CELF5: variants seen among roughly 807,000 people sequenced by gnomAD.
CELF5 encodes the protein CUGBP Elav-like family member 5.
A neutral mutation model predicts 54.9 loss-of-function variants in CELF5; 6 were observed. The ratio of observed to expected loss-of-function variants is 0.11; its 90% CI spans 0.06 to 0.22. The LOEUF is 0.22. CELF5 is among the 10% of genes least tolerant of loss of function. The pLI, the probability that CELF5 is intolerant of heterozygous loss-of-function variation, is 1.00. For synonymous variants in CELF5, 271 were observed against 290.9 expected (o/e 0.93, Z 0.70); for missense variants, 401 against 678.6 (o/e 0.59, Z 4.54).
At chr19:3,296,631 C>T (rs947111816) in intron 12 of CELF5, 127 bp from the exon 13 acceptor site, 7 of 152,134 alleles carry the variant, frequency 4.6e-5, no homozygotes, top group Non-Finnish European at 5.9e-5. Context: ...GGGCCTCACC[C>T]GTGTCCGCGG....
Position 3,224,800 on chromosome 19 carries a change from C to G in CELF5, c.61C>G (p.Pro21Ala), listed in dbSNP as rs1338879257. 1.5e-5 allele frequency: 23 copies of G among 1,530,610 alleles called. No homozygotes were observed. The East Asian group carries it at 6.1e-4, about 40-fold the overall frequency. 94.8% of individuals were successfully genotyped at this position (1,530,610 alleles called of 1,614,324 possible). A position where few individuals can be genotyped will look rare whatever the true frequency, so the allele number is the denominator to read the frequency against. Residue 21 changes from proline (P) to alanine (A), a missense_variant, in exon 1 of 13, where the codon CCC becomes GCC. Around this residue, in one of 6 missense-constraint regions of CELF5, gnomAD observed 46 missense variants for 55.0 expected, o/e 0.84. Transcript: ENST00000292672. The part of the protein sequence containing the change: ...RQQQQLLQPR[P>A]SPVGSSGPEP... ...GCAGCAGCAGCTCCTGCAGCCGCGG[C>G]CCTCGCCCGTGGGCAGCAGCGGGCC...
At chr19:3,230,675 G>A (rs954969848) in intron 1 of CELF5, among the ~76,000 whole-genome samples, 21 of 152,154 alleles carry the variant, frequency 1.4e-4, no homozygotes, top group East Asian at 7.7e-4. Context: ...CATGGGAAGC[G>A]GGCTTCACAT....
intron 2 of CELF5, among the ~76,000 whole-genome samples, chr19:3,257,275 C>T (rs972852702): frequency 9.9e-5 from 15 of 152,030 alleles, no homozygotes; most frequent in Non-Finnish European, 2.2e-4. Context: ...GTGAGGACCA[C>T]TGAGGTCAGA....
intron 1 of CELF5, among the ~76,000 whole-genome samples, chr19:3,225,332 C>G (rs1357707829): frequency 9.1e-6 from 1 of 109,906 alleles, no homozygotes; most frequent in Non-Finnish European, 1.9e-5. Flanking sequence ...TCCTTCCCCC[C>G]ACAGCACCCT....
At chr19:3,270,166 T>C (rs1238911756) in intron 2 of CELF5, among the ~76,000 whole-genome samples, 2 of 152,142 alleles carry the variant, frequency 1.3e-5, no homozygotes, top group African/African-American at 4.8e-5. Flanking sequence ...AGAGTTTGTG[T>C]CTGGCTCTGT....
chr19:3,265,692 A>T (rs373774559), intron 2 of CELF5, among the ~76,000 whole-genome samples: 1 of 152,170 alleles, frequency 6.6e-6, no homozygotes, highest in Non-Finnish European at 1.5e-5. Context: ...TGAATCATCC[A>T]TCCCTTGTTT....
chr19:3,273,913 C>T lies in CELF5; in HGVS notation c.384C>T (p.Ser128=), dbSNP rs199756085. The stretch of plus-strand genomic sequence containing the variant: ...AGGTGAAGCCTGCGGACAGTGAAAG[C>T]CGCGGAGGTAGTTGTCATCTCTCCG... ...PIQVKPADSE[S]RGGRDRKLFV... is the part of the protein sequence containing the mutation. Residue 128 remains serine, a synonymous_variant, in exon 3 of 13, where the codon AGC becomes AGT. Coordinates refer to ENST00000292672, the MANE Select transcript of CELF5 (RefSeq NM_021938.4). 6.2e-7 allele frequency: 1 copy of T among 1,613,558 alleles called. No individual in the cohort carries two copies. Among genetic ancestry groups the T allele is most frequent in the East Asian group, 2.2e-5 (1 of 44,870 alleles).
At chr19:3,274,425 C>A (rs2080014607) in intron 3 of CELF5, among the ~76,000 whole-genome samples, 1 of 152,200 alleles carries the variant, frequency 6.6e-6, no homozygotes, top group South Asian at 2.1e-4. Flanking sequence ...GCAGCTGGTG[C>A]ACATAAGCGC....
At chr19:3,269,336 T>G (rs1283004405) in intron 2 of CELF5, among the ~76,000 whole-genome samples, 1 of 151,998 alleles carries the variant, frequency 6.6e-6, no homozygotes, top group African/African-American at 2.4e-5. Flanking sequence ...CTACCGCACC[T>G]AGCTAATTTT....
At chr19:3,289,424 G>A (rs955921373) in intron 10 of CELF5, among the ~76,000 whole-genome samples, 1 of 152,092 alleles carries the variant, frequency 6.6e-6, no homozygotes, top group Non-Finnish European at 1.5e-5. Flanking sequence ...GCTCACGCCT[G>A]TAATCCCAGC....
intron 3 of CELF5, among the ~76,000 whole-genome samples, chr19:3,274,843 C>A (rs1054101644): frequency 6.6e-6 from 1 of 151,956 alleles, no homozygotes; most frequent in Non-Finnish European, 1.5e-5. Context: ...TGGCTGCCAG[C>A]GTGGGACAGG....
At chr19:3,236,546 G>C (rs985074349) in intron 1 of CELF5, among the ~76,000 whole-genome samples, 2 of 152,156 alleles carry the variant, frequency 1.3e-5, no homozygotes, top group African/African-American at 4.8e-5. Flanking sequence ...GTTGAGATGG[G>C]AGGGGGGTTC....
At chr19:3,238,341 AC>A (rs1385465439) in intron 1 of CELF5, among the ~76,000 whole-genome samples, 1 of 146,648 alleles carries the variant, frequency 6.8e-6, no homozygotes, top group African/African-American at 2.6e-5. Flanking sequence ...CAGGGCCCAA[AC>A]CAGGGTTCAT....
At chr19:3,264,509 G>A (rs1254869120) in intron 2 of CELF5, among the ~76,000 whole-genome samples, 3 of 148,352 alleles carry the variant, frequency 2.0e-5, no homozygotes, top group Non-Finnish European at 3.0e-5. Context: ...TTGGCCTCCC[G>A]GGTTCACGCT....
At position 3,228,849 on chromosome 19, in the gene CELF5, T is replaced by C. The variant is rs935957367; in HGVS notation, c.259+3851T>C. Among the ~76,000 whole-genome samples, 4 of 112,640 alleles carry C rather than the reference T, an allele frequency of 3.6e-5. No homozygotes were observed. Among genetic ancestry groups the C allele is most frequent in the Non-Finnish European group, 7.7e-5 (4 of 52,032 alleles). The allele number at this position is 112,640 out of a possible 152,430, so 73.9% of individuals were successfully genotyped here. A position where few individuals can be genotyped will look rare whatever the true frequency, so the allele number is the denominator to read the frequency against. ...GGTGGCGGGGACAGCGGCAGGGGGC[T>C]GGGGGTGGCTGGCAGGGTTGGCCGG... On this transcript the variant is annotated intron_variant, in intron 1 of 12. Coordinates refer to ENST00000292672, the MANE Select transcript of CELF5 (RefSeq NM_021938.4). This position sits in a 1 kb window ranked among gnomAD's most constrained non-coding sequence, Gnocchi z 6.0.
Position 3,282,355 on chromosome 19 carries a change from T to G in CELF5, c.896T>G (p.Leu299Arg). The G allele has an allele frequency of 6.2e-7, 1 of 1,609,376 alleles. No homozygotes were observed. The highest frequency in any genetic ancestry group is 8.5e-7 in the Non-Finnish European group (1 of 1,179,966). Residue 299 changes from leucine to arginine, a missense_variant, in exon 8 of 13, where the codon CTG becomes CGG. Physicochemically the swap from Leu to Arg is moderately radical, Grantham distance 102. This residue lies in a region of CELF5 where 143 missense variants were observed against 147.6 expected (regional missense o/e 0.97). Coordinates refer to ENST00000292672, the MANE Select transcript of CELF5 (RefSeq NM_021938.4). This position sits in a 1 kb window ranked among gnomAD's most constrained non-coding sequence, Gnocchi z 5.2. ...ATGACCCTCTTCCGCTCTGCAGGGCTGCACTCACCCCCGCTGCTGGGCACC... is the reference window on the plus strand; with the variant it reads ...ATGACCCTCTTCCGCTCTGCAGGGCGGCACTCACCCCCGCTGCTGGGCACC... The part of the protein sequence containing the change: ...PATPIAPASG[L>R]HSPPLLGTTA...
chr19:3,255,313 T>C (rs868131126), intron 2 of CELF5, among the ~76,000 whole-genome samples: 1 of 152,162 alleles, frequency 6.6e-6, no homozygotes, highest in Non-Finnish European at 1.5e-5. Context: ...GCCTCCTGAG[T>C]AGCTGGGATT....
At chr19:3,264,995 C>T (rs948447296) in intron 2 of CELF5, among the ~76,000 whole-genome samples, 11 of 151,986 alleles carry the variant, frequency 7.2e-5, no homozygotes, top group African/African-American at 2.2e-4. Context: ...ATTACAGGCA[C>T]GAGCCACTGG....
chr19:3,236,957 C>G (rs561625612), intron 1 of CELF5, among the ~76,000 whole-genome samples: 18 of 149,542 alleles, frequency 1.2e-4, no homozygotes, highest in African/African-American at 4.2e-4. Flanking sequence ...CCACTGCACT[C>G]CAGCCTGGAC....
Sources: gnomAD v4.1 joint callset for allele counts (sites outside exome capture counted in the v4.1 genomes callset) on GRCh38, gnomAD v4.1.1 for gene constraint, gnomAD v4.1.1 regional missense constraint, Gnocchi (gnomAD v3.1) non-coding constraint, MANE v1.5 for transcripts, NCBI Gene and HGNC (gene_info 2026-07-23, HGNC 2026-07-21) for gene names.